DNAJC25: variants seen among roughly 807,000 people sequenced by gnomAD.
DNAJC25 encodes dnaJ homolog subfamily C member 25.
A neutral mutation model predicts 42.1 loss-of-function variants in DNAJC25; 26 were observed. That is an observed-to-expected ratio of 0.62 (90% CI 0.45 to 0.86). The LOEUF is 0.86. Among genes scored for constraint, DNAJC25 ranks in the 40% least tolerant of loss-of-function variants. DNAJC25 has a pLI of 0.00. For missense variants in DNAJC25, 404 were observed against 459.4 expected (o/e 0.88, Z 1.10); for synonymous variants, 189 against 179.9 (o/e 1.05, Z -0.40).
chr9:111,649,400 T>C (rs1830614672), intron 2 of DNAJC25, 53 bp from the exon 3 acceptor site: 1 of 1,479,438 alleles, frequency 6.8e-7, no homozygotes, highest in Non-Finnish European at 9.0e-7. Context: ...TCCTTTAATT[T>C]AGATGAATTT....
In DNAJC25 at chr9:111,653,266, A is replaced by G. The variant is rs762611063; in HGVS notation, c.*44A>G. On this transcript the variant is annotated 3_prime_UTR_variant, in exon 4 of 4. Coordinates refer to ENST00000313525, the MANE Select transcript of DNAJC25 (RefSeq NM_001015882.3). ...TATGCCAAACCTTAATTGTGATATT[A>G]TTTTCATAACTGAATTATTTTAGAA... is the stretch of plus-strand genomic sequence containing the variant. The G allele has an allele frequency of 3.5e-6, 5 of 1,431,904 alleles. No homozygotes were observed. Among genetic ancestry groups the G allele is most frequent in the Non-Finnish European group, 4.6e-6 (5 of 1,083,714 alleles). 88.7% of individuals were successfully genotyped at this position (1,431,904 alleles called of 1,614,324 possible).
In DNAJC25 at chr9:111,653,131, AG is replaced by A; in HGVS notation, c.993del (p.Lys333SerfsTer15). The stretch of plus-strand genomic sequence containing the variant: ...AAGCAAGAACAAGAGGAAGAATTAA[AG>A]AAAAAGTTGGCAAATGACCCCAGAT... ...VYKQEQEEEL[K>X]KKLANDPRWK... On this transcript the variant is annotated frameshift_variant, in exon 4 of 4. Coordinates refer to ENST00000313525, the MANE Select transcript of DNAJC25 (RefSeq NM_001015882.3). LOFTEE classifies it high-confidence loss of function. The A allele has an allele frequency of 6.2e-7, 1 of 1,603,118 alleles. No individual in the cohort carries two copies. Among genetic ancestry groups the A allele is most frequent in the Non-Finnish European group, 8.5e-7 (1 of 1,173,532 alleles).
intron 2 of DNAJC25, 35 bp from the exon 3 acceptor site, chr9:111,649,418 G>T: frequency 1.3e-6 from 2 of 1,507,926 alleles, no homozygotes; most frequent in Non-Finnish European, 8.8e-7. Flanking sequence ...TTTGGGTAAT[G>T]AAAATGACTC....
intron 1 of DNAJC25, among the ~76,000 whole-genome samples, chr9:111,639,212 G>A (rs1274712145): frequency 6.6e-6 from 1 of 152,098 alleles, no homozygotes; most frequent in Admixed American, 6.6e-5. Flanking sequence ...GACCTGTCTT[G>A]TCTTTTATTC....
intron 3 of DNAJC25, among the ~76,000 whole-genome samples, chr9:111,652,526 A>AG (rs1352317084): frequency 6.7e-6 from 1 of 148,844 alleles, no homozygotes; most frequent in East Asian, 2.1e-4. Flanking sequence ...AAAAAAAAAA[A>AG]AAAAAAAGTA....
chr9:111,644,672 A>G (rs1830539267), intron 1 of DNAJC25, among the ~76,000 whole-genome samples: 1 of 152,184 alleles, frequency 6.6e-6, no homozygotes, highest in Admixed American at 6.5e-5. Flanking sequence ...TTTAAAAGCT[A>G]CATGTAATCT....
At chr9:111,650,013 T>C (rs2131269790) in intron 3 of DNAJC25, 90 bp downstream of exon 3, 3 of 1,197,784 alleles carry the variant, frequency 2.5e-6, no homozygotes, top group East Asian at 5.3e-5. Flanking sequence ...AGAAGTGTGC[T>C]CACATTTCTG....
At chr9:111,653,074 A>G (rs954421095) in intron 3 of DNAJC25, 26 bp from the exon 4 acceptor site, 7 of 1,546,756 alleles carry the variant, frequency 4.5e-6, no homozygotes, top group Non-Finnish European at 6.1e-6. Context: ...TGGATTGTGA[A>G]GTCATCTAGT....
At chr9:111,635,275 G>A (rs1378464668) in intron 1 of DNAJC25, among the ~76,000 whole-genome samples, 1 of 152,178 alleles carries the variant, frequency 6.6e-6, no homozygotes, top group East Asian at 1.9e-4. Flanking sequence ...ATAGCACCTA[G>A]CACAGTGTCT....
At chr9:111,645,463 C>T (rs1830555421) in intron 1 of DNAJC25, among the ~76,000 whole-genome samples, 1 of 152,132 alleles carries the variant, frequency 6.6e-6, no homozygotes, top group African/African-American at 2.4e-5. Flanking sequence ...CCATGTTGGC[C>T]AGGCTGGTCT....
chr9:111,632,217 G>A (rs771865769), intron 1 of DNAJC25, among the ~76,000 whole-genome samples: 4 of 152,210 alleles, frequency 2.6e-5, no homozygotes, highest in Non-Finnish European at 5.9e-5. Flanking sequence ...AAAACACTGA[G>A]AAGAACAATG....
intron 1 of DNAJC25, among the ~76,000 whole-genome samples, chr9:111,641,502 G>A (rs1830464391): frequency 1.1e-5 from 1 of 89,700 alleles, no homozygotes; most frequent in African/African-American, 5.2e-5. Flanking sequence ...CCTCTGCCCG[G>A]CCAGCCGCCC....
intron 1 of DNAJC25, among the ~76,000 whole-genome samples, chr9:111,632,490 A>T (rs1379200189): frequency 6.6e-6 from 1 of 152,106 alleles, no homozygotes; most frequent in Non-Finnish European, 1.5e-5. Flanking sequence ...ATGTATTTGT[A>T]TTTCATTTGA....
intron 1 of DNAJC25, among the ~76,000 whole-genome samples, chr9:111,643,432 A>G (rs1830513044): frequency 6.6e-6 from 1 of 152,248 alleles, no homozygotes; most frequent in Admixed American, 6.5e-5. Flanking sequence ...ATAAATAGGT[A>G]CCAAGTGTAA....
chr9:111,633,100 A>G (rs1830311824), intron 1 of DNAJC25, among the ~76,000 whole-genome samples: 4 of 152,318 alleles, frequency 2.6e-5, no homozygotes, highest in Admixed American at 2.6e-4. Context: ...GACTCCAGAA[A>G]AAATAGGAAA....
intron 1 of DNAJC25, among the ~76,000 whole-genome samples, chr9:111,636,762 A>G (rs528909439): frequency 3.3e-5 from 5 of 152,308 alleles, no homozygotes; most frequent in African/African-American, 9.6e-5. Context: ...TTACCTTTTA[A>G]GAGTTTTGAG....
At chr9:111,632,017 T>C (rs1237420976) in intron 1 of DNAJC25, among the ~76,000 whole-genome samples, 1 of 152,250 alleles carries the variant, frequency 6.6e-6, no homozygotes, top group Non-Finnish European at 1.5e-5. Context: ...TTCGTGAAAA[T>C]ATTTTAATAA....
intron 3 of DNAJC25, among the ~76,000 whole-genome samples, chr9:111,652,093 A>G (rs1639528798): frequency 6.6e-6 from 1 of 152,154 alleles, no homozygotes; most frequent in Admixed American, 6.5e-5. Context: ...TAAAAAAATA[A>G]AGTTTTGATT....
intron 1 of DNAJC25, among the ~76,000 whole-genome samples, chr9:111,644,723 A>C (rs1830540402): frequency 6.6e-6 from 1 of 152,248 alleles, no homozygotes; most frequent in Non-Finnish European, 1.5e-5. Flanking sequence ...AATACGTTTC[A>C]AAAGGCATCT....
Sources: gnomAD v4.1 joint callset for allele counts (sites outside exome capture counted in the v4.1 genomes callset) on GRCh38, gnomAD v4.1.1 for gene constraint, MANE v1.5 for transcripts, NCBI Gene and HGNC (gene_info 2026-07-23, HGNC 2026-07-21) for gene names.